The following RAB3B variants were observed in gnomAD, a reference collection of about 807,000 sequenced individuals.
The protein encoded by RAB3B is RAB3B, member RAS oncogene family, also known as ras-related protein Rab-3B.
Under a neutral mutation model 20.5 loss-of-function variants are expected in RAB3B, and 11 were observed. The ratio of observed to expected loss-of-function variants is 0.54; its 90% CI spans 0.34 to 0.89. The LOEUF (loss-of-function observed/expected upper bound fraction) is 0.89. Ranked by LOEUF, RAB3B falls within the 40% of genes least tolerant of loss-of-function variation. The pLI is 0.02. For missense variants in RAB3B, 225 were observed against 280.9 expected, an observed-to-expected ratio of 0.80 and a Z score of 1.42; for synonymous variants, 99 against 106.3, an observed-to-expected ratio of 0.93 and a Z score of 0.42.
intron 1 of RAB3B, among the ~76,000 whole-genome samples, chr1:51,989,894 C>T (rs961091705): frequency 6.6e-6 from 1 of 151,456 alleles, no homozygotes; most frequent in Non-Finnish European, 1.5e-5. Flanking sequence ...CCACATCCCC[C>T]ATAAATGACC....
At chr1:51,979,956 G>A (rs1685064968) in intron 1 of RAB3B, among the ~76,000 whole-genome samples, 1 of 151,952 alleles carries the variant, frequency 6.6e-6, no homozygotes. Context: ...CAGGAAAATG[G>A]CGTGAACCAG....
intron 2 of RAB3B, among the ~76,000 whole-genome samples, chr1:51,964,315 C>T (rs1684819219): frequency 6.6e-6 from 1 of 152,178 alleles, no homozygotes; most frequent in South Asian, 2.1e-4. Context: ...GCTGCCAGGA[C>T]ACCACACATT....
At chr1:51,964,787 C>T (rs551280406) in intron 2 of RAB3B, among the ~76,000 whole-genome samples, 3 of 152,172 alleles carry the variant, frequency 2.0e-5, no homozygotes, top group Non-Finnish European at 2.9e-5. Flanking sequence ...TCACTACTAC[C>T]GCTACTACCT....
chr1:51,978,656 T>C (rs1370914959), intron 1 of RAB3B, among the ~76,000 whole-genome samples: 5 of 152,206 alleles, frequency 3.3e-5, no homozygotes, highest in Non-Finnish European at 5.9e-5. Flanking sequence ...GTACCCTGCT[T>C]CTCCACCTGA....
intron 2 of RAB3B, among the ~76,000 whole-genome samples, chr1:51,946,674 C>A (rs1684569980): frequency 6.6e-6 from 1 of 152,204 alleles, no homozygotes; most frequent in Non-Finnish European, 1.5e-5. Context: ...ACTGAACACC[C>A]ACTATGTTCT....
chr1:51,954,087 A>T (rs1487051657), intron 2 of RAB3B, among the ~76,000 whole-genome samples: 1 of 152,202 alleles, frequency 6.6e-6, no homozygotes, highest in Non-Finnish European at 1.5e-5. Context: ...AAAGTAGTTG[A>T]ATGTCAAACA....
At chr1:51,949,087 C>T (rs1684600820) in intron 2 of RAB3B, among the ~76,000 whole-genome samples, 1 of 152,198 alleles carries the variant, frequency 6.6e-6, no homozygotes, top group Non-Finnish European at 1.5e-5. Context: ...TAGATAAAGA[C>T]CCTTCAGGAT....
intron 4 of RAB3B, among the ~76,000 whole-genome samples, chr1:51,927,514 G>T (rs1208957235): frequency 6.6e-6 from 1 of 152,214 alleles, no homozygotes; most frequent in Non-Finnish European, 1.5e-5. Flanking sequence ...GGTGGCTCAA[G>T]CCTGTAATCC....
At chr1:51,925,174 C>T (rs1383447168) in intron 4 of RAB3B, among the ~76,000 whole-genome samples, 1 of 152,208 alleles carries the variant, frequency 6.6e-6, no homozygotes, top group East Asian at 1.9e-4. Context: ...CAGAACATGT[C>T]TCCTCCACGG....
At chr1:51,969,145 C>G (rs1384067747) in intron 2 of RAB3B, among the ~76,000 whole-genome samples, 1 of 152,048 alleles carries the variant, frequency 6.6e-6, no homozygotes, top group Non-Finnish European at 1.5e-5. Flanking sequence ...AAATACAAAA[C>G]TTAGCCAGGC....
chr1:51,960,660 T>C (rs1387234330), intron 2 of RAB3B, among the ~76,000 whole-genome samples: 2 of 152,102 alleles, frequency 1.3e-5, no homozygotes, highest in Non-Finnish European at 2.9e-5. Flanking sequence ...GCTAGGAGAA[T>C]CTCCAGCCTT....
At chr1:51,922,339 A>C (rs1243638010) in intron 4 of RAB3B, among the ~76,000 whole-genome samples, 1 of 152,156 alleles carries the variant, frequency 6.6e-6, no homozygotes, top group Non-Finnish European at 1.5e-5. Flanking sequence ...CAGGGGCACA[A>C]ATCCCTTGTG....
At chr1:51,954,100 G>C (rs1223220139) in intron 2 of RAB3B, among the ~76,000 whole-genome samples, 1 of 152,148 alleles carries the variant, frequency 6.6e-6, no homozygotes, top group Non-Finnish European at 1.5e-5. Flanking sequence ...GTCAAACAAT[G>C]GGGGGAAACT....
chr1:51,937,361 C>T lies in RAB3B; in HGVS notation c.280G>A (p.Gly94Arg). ...YRTITTAYYRGAMGFILMYDI... is the reference protein window; with the variant it reads ...YRTITTAYYRRAMGFILMYDI... ...TACATCAGAATGAAGCCCATGGCCCCACGGTAATAGGCTGTTGTGATGGTC... is the reference window on the plus strand; with the variant it reads ...TACATCAGAATGAAGCCCATGGCCCTACGGTAATAGGCTGTTGTGATGGTC... Residue 94 changes from glycine (G) to arginine (R), a missense_variant, in exon 3 of 5, where the codon GGG becomes AGG. Transcript: ENST00000371655. The T allele has an allele frequency of 6.2e-7, 1 of 1,613,642 alleles. No homozygotes were observed. The highest frequency in any genetic ancestry group is 8.5e-7 in the Non-Finnish European group (1 of 1,179,754).
chr1:51,933,333 G>A lies in RAB3B; in HGVS notation c.457C>T (p.Leu153Phe). 1.2e-6 allele frequency: 2 copies of A among 1,614,040 alleles called. No homozygotes were observed. The highest frequency in any genetic ancestry group is 1.7e-6 in the Non-Finnish European group (2 of 1,179,996). Residue 153 changes from leucine (L) to phenylalanine (F), a missense_variant, in exon 4 of 5, where the codon CTT (leucine) becomes TTT (phenylalanine). By Grantham distance (22) the Leu-to-Phe change is conservative. Transcript: ENST00000371655. ...RVVPTEKGQL[L>F]AEQLGFDFFE... ...ATGTACATACCAAGCTGCTCTGCAA[G>A]GAGCTGGCCCTTCTCAGTGGGAACA... is the stretch of plus-strand genomic sequence containing the variant.
chr1:51,944,255 A>G (rs1684533485), intron 2 of RAB3B, among the ~76,000 whole-genome samples: 1 of 152,218 alleles, frequency 6.6e-6, no homozygotes, highest in African/African-American at 2.4e-5. Flanking sequence ...TGGTTTACTG[A>G]ATAATTTAAG....
intron 3 of RAB3B, among the ~76,000 whole-genome samples, chr1:51,936,814 C>CT (rs1684410438): frequency 6.6e-6 from 1 of 151,474 alleles, no homozygotes; most frequent in East Asian, 1.9e-4. Flanking sequence ...CTTTTCTTTT[C>CT]TTTCTTTTTT....
At chr1:51,965,432 A>G (rs916997776) in intron 2 of RAB3B, among the ~76,000 whole-genome samples, 2 of 152,068 alleles carry the variant, frequency 1.3e-5, no homozygotes, top group East Asian at 3.9e-4. Flanking sequence ...GTGGATCACG[A>G]GGTCAGGAGT....
intron 1 of RAB3B, among the ~76,000 whole-genome samples, chr1:51,987,183 C>T (rs984776829): frequency 3.9e-5 from 6 of 152,034 alleles, no homozygotes; most frequent in Admixed American, 3.3e-4. Context: ...CAGGAAAGAG[C>T]GGGGAGGAGG....
Sources: allele counts gnomAD v4.1 joint callset (sites outside exome capture counted in the v4.1 genomes callset), GRCh38; gene constraint gnomAD v4.1.1; transcripts MANE v1.5; gene names NCBI Gene and HGNC (gene_info 2026-07-23, HGNC 2026-07-21).